Variants in FER1L5 observed in about 807,000 individuals in gnomAD.
The protein encoded by FER1L5 is fer-1-like protein 5.
A neutral mutation model predicts 279.9 loss-of-function variants in FER1L5; 187 were observed. The ratio of observed to expected loss-of-function variants is 0.67; its 90% CI spans 0.59 to 0.75. The LOEUF (loss-of-function observed/expected upper bound fraction) is 0.75, where lower values mean the gene tolerates loss of function less well. FER1L5 is among the 30% of genes least tolerant of loss of function. The pLI is 0.00. For missense variants in FER1L5, 2,091 were observed against 2,594.4 expected, an observed-to-expected ratio of 0.81 and a Z score of 4.21; for synonymous variants, 921 against 989.7, an observed-to-expected ratio of 0.93 and a Z score of 1.30.
chr2:96,700,407 G>A lies in FER1L5; in HGVS notation c.5006G>A (p.Gly1669Glu), dbSNP rs753468823. ...GCACTGTACCTCCTGCACACCCAGG[G>A]GCTGGTACCTGAGCACGTGGAGACC... ...RLALYLLHTQGLVPEHVETRT... is the reference protein window; with the variant it reads ...RLALYLLHTQELVPEHVETRT... The change falls in exon 45 of 53, where the codon GGG becomes GAG. Residue 1669 changes from glycine to glutamate, a missense_variant. Physicochemically the swap from Gly to Glu is moderately conservative, Grantham distance 98. Transcript: ENST00000624922. 1 of 1,613,680 alleles carries A rather than the reference G, an allele frequency of 6.2e-7. No individual in the cohort carries two copies. The highest frequency in any genetic ancestry group is 8.5e-7 in the Non-Finnish European group (1 of 1,179,866).
chr2:96,689,404 A>G lies in FER1L5; in HGVS notation c.2525+28A>G, dbSNP rs2077055245. ...AAGGCCAGAGGGGGCAGGCCCCACC[A>G]GAGGGGACACTTCACCTGGGAGGGC... On this transcript the variant is annotated intron_variant, in intron 25 of 52. Transcript: ENST00000624922. The surrounding 1 kb of genome is among the most constrained non-coding windows in gnomAD (Gnocchi z 4.6). 1 of 1,543,164 alleles carries G rather than the reference A, an allele frequency of 6.5e-7. No individual in the cohort carries two copies. Among genetic ancestry groups the G allele is most frequent in the East Asian group, 2.4e-5 (1 of 40,864 alleles).
At position 96,704,458 on chromosome 2, in the gene FER1L5, TTCTC is replaced by T; in HGVS notation, c.5950-6_5950-3del. The T allele has an allele frequency of 6.2e-7, 1 of 1,613,842 alleles. No homozygotes were observed. The highest frequency in any genetic ancestry group is 8.5e-7 in the Non-Finnish European group (1 of 1,179,772). Reference sequence around the variant, plus strand: ...GCCACCCCAGGCTAACTGTTGTCTGTTCTCTCTAGCACTATTTGGCCATGAGCTG... The same window carrying T: ...GCCACCCCAGGCTAACTGTTGTCTGTTCTAGCACTATTTGGCCATGAGCTG... On this transcript the variant is annotated splice_region_variant and splice_polypyrimidine_tract_variant and intron_variant, in intron 52 of 52. Transcript: ENST00000624922.
rs1480629118 is a variant in FER1L5 at position 96,687,899 on chromosome 2, G to A, written c.2313G>A (p.Lys771=). 3.9e-6 allele frequency: 6 copies of A among 1,551,146 alleles called. No homozygotes were observed. Among genetic ancestry groups the A allele is most frequent in the Non-Finnish European group, 5.2e-6 (6 of 1,146,980 alleles). Residue 771 remains lysine (K), a synonymous_variant, in exon 24 of 53, where the codon AAG becomes AAA. Coordinates refer to ENST00000624922, the MANE Select transcript of FER1L5 (RefSeq NM_001293083.2). ...GGCTTGGCAATGTCACAGACAGCAAGGACCTGCAGCTGCTCCGCCAGGGTG... is the reference window on the plus strand; with the variant it reads ...GGCTTGGCAATGTCACAGACAGCAAAGACCTGCAGCTGCTCCGCCAGGGTG... ...CMWLGNVTDS[K]DLQLLRQGDT...
Position 96,700,329 on chromosome 2 carries a change from C to T in FER1L5, c.4931-3C>T. The T allele has an allele frequency of 6.2e-7, 1 of 1,612,742 alleles. No individual in the cohort carries two copies. The highest frequency in any genetic ancestry group is 1.1e-5 in the South Asian group (1 of 91,076). On this transcript the variant is annotated splice_polypyrimidine_tract_variant and splice_region_variant and intron_variant, in intron 44 of 52. Coordinates refer to ENST00000624922, the MANE Select transcript of FER1L5 (RefSeq NM_001293083.2). ...CCCCTCCTTCCATCCCCCTCCAATC[C>T]AGAGCCCAAAACCCCTACTGTTCAT...
chr2:96,659,310 C>A (rs557875631), intron 9 of FER1L5, among the ~76,000 whole-genome samples: 3 of 48,152 alleles, frequency 6.2e-5, no homozygotes, highest in South Asian at 4.7e-3. Flanking sequence ...TCCTTCCTTC[C>A]TTCCTTCCTT....
At chr2:96,660,507 G>T in intron 10 of FER1L5, 136 bp downstream of exon 10, 2 of 778,524 alleles carry the variant, frequency 2.6e-6, no homozygotes, top group Non-Finnish European at 4.2e-6. Context: ...TTCTGTATTT[G>T]GTAATATTTC....
chr2:96,697,754 C>T lies in FER1L5; in HGVS notation c.4229C>T (p.Thr1410Ile). The change falls in exon 39 of 53, where the codon ACC becomes ATC. Residue 1410 changes from threonine (T) to isoleucine (I), a missense_variant. Thr to Ile is a moderately conservative substitution (Grantham distance 89). Coordinates refer to ENST00000624922, the MANE Select transcript of FER1L5 (RefSeq NM_001293083.2). ...SLKYKYKDYH[T>I]LKVYECELEA... Reference sequence around the variant, plus strand: ...AAGTACAAGTACAAAGACTACCACACCCTCAAGGTTTGAAGGAGGGAAGAA... The same window carrying T: ...AAGTACAAGTACAAAGACTACCACATCCTCAAGGTTTGAAGGAGGGAAGAA... The T allele has an allele frequency of 6.2e-7, 1 of 1,613,972 alleles. No homozygotes were observed. The highest frequency in any genetic ancestry group is 2.2e-5 in the East Asian group (1 of 44,884).
At chr2:96,645,975 C>T (rs1432355634) in intron 1 of FER1L5, among the ~76,000 whole-genome samples, 3 of 150,178 alleles carry the variant, frequency 2.0e-5, no homozygotes, top group Non-Finnish European at 4.4e-5. Context: ...GTGCCTGCCA[C>T]TTGCCTTGAC....
In FER1L5 at chr2:96,695,892, C is replaced by A. The variant is rs765966910; in HGVS notation, c.4045C>A (p.Pro1349Thr). 9.9e-6 allele frequency: 16 copies of A among 1,613,442 alleles called. No homozygotes were observed. The Admixed American group carries it at 2.7e-4, about 27-fold the overall frequency. The part of the protein sequence containing the change: ...CDPWAQDYMH[P>T]KLPTLSEKKH... ...CCCCTGGGCTCAAGACTATATGCAC[C>A]CAAAGCTTCCAAGTACGGCCCTTCC... Residue 1349 changes from proline (P) to threonine (T), a missense_variant, in exon 36 of 53, where the codon CCA becomes ACA. Transcript: ENST00000624922.
rs922134809 is a variant in FER1L5 at position 96,702,498 on chromosome 2, C to T, written c.5255+97C>T. 28 of 1,549,672 alleles carry T rather than the reference C, an allele frequency of 1.8e-5. 1 individual carries two copies. In the Admixed American group the frequency reaches 5.5e-4, roughly 30 times the overall value. On this transcript the variant is annotated intron_variant, in intron 47 of 52. Transcript: ENST00000624922. The surrounding 1 kb of genome is among the most constrained non-coding windows in gnomAD (Gnocchi z 4.0). ...AGTCCTGAATGGGACACCTCTCCAT[C>T]CAGCTCTGCCTGGCGTCGGCTGGGC...
In FER1L5 at chr2:96,687,959, G is replaced by A; in HGVS notation, c.2361+12G>A. 1 of 1,550,792 alleles carries A rather than the reference G, an allele frequency of 6.4e-7. No homozygotes were observed. On this transcript the variant is annotated intron_variant, in intron 24 of 52. Transcript: ENST00000624922. ...TGTACGCCGAGATGGTGAGTGGTGAGCGGCAGCCCAAGGCCAGGGCAGGCA... is the reference window on the plus strand; with the variant it reads ...TGTACGCCGAGATGGTGAGTGGTGAACGGCAGCCCAAGGCCAGGGCAGGCA...
Position 96,653,669 on chromosome 2 carries a change from T to C in FER1L5, c.663T>C (p.Pro221=). ...TCTTCCAGAATTTTCATGAGGTTCC[T>C]GCAAAGTTCTTTGATGAGACCATCT... ...EIFFQNFHEV[P]AKFFDETILI... The change falls in exon 8 of 53, where the codon CCT becomes CCC. Residue 221 remains proline, a synonymous_variant. Coordinates refer to ENST00000624922, the MANE Select transcript of FER1L5 (RefSeq NM_001293083.2). 1 of 1,551,570 alleles carries C rather than the reference T, an allele frequency of 6.4e-7. No homozygotes were observed.
Position 96,691,638 on chromosome 2 carries a change from C to G in FER1L5, c.3075+26C>G. ...GTAAAGCCTCACAGGCTGGGTGATG[C>G]CTGCCTGTAACCCCACCTCCCAGAG... On this transcript the variant is annotated intron_variant, in intron 29 of 52. Transcript: ENST00000624922. This position sits in a 1 kb window ranked among gnomAD's most constrained non-coding sequence, Gnocchi z 6.0. The G allele has an allele frequency of 2.0e-6, 3 of 1,508,318 alleles. No individual in the cohort carries two copies. Among genetic ancestry groups the G allele is most frequent in the Non-Finnish European group, 1.8e-6 (2 of 1,125,332 alleles). The allele number at this position is 1,508,318 out of a possible 1,614,324, so 93.4% of individuals were successfully genotyped here.
chr2:96,699,557 G>A lies in FER1L5; in HGVS notation c.4618G>A (p.Glu1540Lys). Reference sequence around the variant, plus strand: ...CCAACACCTCACCCCTAGGATGTTTGAACTCACCTGCAACATACCCCTGGA... The same window carrying A: ...CCAACACCTCACCCCTAGGATGTTTAAACTCACCTGCAACATACCCCTGGA... ...TLDPIFGMMF[E>K]LTCNIPLEKD... Residue 1540 changes from glutamate (E) to lysine (K), a missense_variant, in exon 43 of 53, where the codon GAA becomes AAA. Transcript: ENST00000624922. 6.2e-7 allele frequency: 1 copy of A among 1,613,534 alleles called. No homozygotes were observed. Among genetic ancestry groups the A allele is most frequent in the Middle Eastern group, 1.7e-4 (1 of 6,060 alleles).
At position 96,685,354 on chromosome 2, in the gene FER1L5, C is replaced by G. The variant is rs1384414451; in HGVS notation, c.1820C>G (p.Ser607Cys). 2.6e-6 allele frequency: 4 copies of G among 1,551,218 alleles called. No homozygotes were observed. In the African/African-American group the frequency reaches 4.1e-5, roughly 16 times the overall value. Residue 607 changes from serine (S) to cysteine (C), a missense_variant, in exon 21 of 53, where the codon TCC becomes TGC. Physicochemically the swap from Ser to Cys is moderately radical, Grantham distance 112. Coordinates refer to ENST00000624922, the MANE Select transcript of FER1L5 (RefSeq NM_001293083.2). ...AAAGCCAACCTGGACACCCTGAAATCCACGCGGAATCCGAAGGATCCAGCT... is the reference window on the plus strand; with the variant it reads ...AAAGCCAACCTGGACACCCTGAAATGCACGCGGAATCCGAAGGATCCAGCT... Reference protein sequence around the residue: ...RLKANLDTLKSTRNPKDPALL... With the variant: ...RLKANLDTLKCTRNPKDPALL...
intron 14 of FER1L5, among the ~76,000 whole-genome samples, chr2:96,667,337 A>C (rs1375255192): frequency 6.6e-6 from 1 of 150,702 alleles, no homozygotes; most frequent in African/African-American, 2.4e-5. Flanking sequence ...GGCAGCTATT[A>C]TTATTTATTC....
In FER1L5 at chr2:96,698,715, A is replaced by G. The variant is rs1413250458; in HGVS notation, c.4401A>G (p.Pro1467=). 1 of 1,583,412 alleles carries G rather than the reference A, an allele frequency of 6.3e-7. No homozygotes were observed. The highest frequency in any genetic ancestry group is 1.8e-5 in the Admixed American group (1 of 55,488). Reference sequence around the variant, plus strand: ...CCTTTCCTGAGAATCCAGAAGCCCCAAAGCCCCCGCTGCAGTTCTTGGTTT... The same window carrying G: ...CCTTTCCTGAGAATCCAGAAGCCCCGAAGCCCCCGCTGCAGTTCTTGGTTT... The part of the protein sequence containing the change: ...IYPFPENPEA[P]KPPLQFLVWP... The change falls in exon 41 of 53, where the codon CCA becomes CCG. Residue 1467 remains proline, a synonymous_variant. Transcript: ENST00000624922. The surrounding 1 kb of genome is among the most constrained non-coding windows in gnomAD (Gnocchi z 5.5).
intron 39 of FER1L5, 81 bp downstream of exon 39, chr2:96,697,842 A>T: frequency 6.5e-7 from 1 of 1,539,448 alleles, no homozygotes; most frequent in Non-Finnish European, 8.9e-7. Flanking sequence ...TTCCTCTGGG[A>T]AGCCTCAAGT....
intron 14 of FER1L5, among the ~76,000 whole-genome samples, chr2:96,666,953 CTT>C (rs1165141425): frequency 6.6e-6 from 1 of 152,008 alleles, no homozygotes; most frequent in Non-Finnish European, 1.5e-5. Flanking sequence ...CATCTGGCCT[CTT>C]TTCTTTCTTT....
Sources: allele counts gnomAD v4.1 joint callset (sites outside exome capture counted in the v4.1 genomes callset), GRCh38; gene constraint gnomAD v4.1.1; non-coding constraint Gnocchi (gnomAD v3.1); transcripts MANE v1.5; gene names NCBI Gene and HGNC (gene_info 2026-07-23, HGNC 2026-07-21).